USP28: variants seen among roughly 807,000 people sequenced by gnomAD.
USP28 encodes ubiquitin specific peptidase 28.
A neutral mutation model predicts 145.0 loss-of-function variants in USP28; 113 were observed. That is an observed-to-expected ratio of 0.78 (90% confidence interval 0.67 to 0.91). The LOEUF is 0.91. Among genes scored for constraint, USP28 ranks in the 40% least tolerant of loss-of-function variants. The pLI is 0.00. For missense variants in USP28, 1,201 were observed against 1,289.6 expected, an observed-to-expected ratio of 0.93 and a Z score of 1.05; for synonymous variants, 447 against 450.9, an observed-to-expected ratio of 0.99 and a Z score of 0.11.
At chr11:113,875,506 G>A (rs1375181875) in exon 1 of USP28, 3 of 1,169,770 alleles carry the variant, frequency 2.6e-6, no homozygotes, top group South Asian at 3.6e-5. Flanking sequence ...AGTCATGGCC[G>A]AGGCGCCCAG....
Position 113,831,917 on chromosome 11 carries a change from C to T in USP28, c.833+3G>A. 1 of 1,613,634 alleles carries T rather than the reference C, an allele frequency of 6.2e-7. No individual in the cohort carries two copies. The highest frequency in any genetic ancestry group is 8.5e-7 in the Non-Finnish European group (1 of 1,179,720). ...GATGTACAAACAAACCCTCAACACT[C>T]ACTTAACATTAACAGCTAGCTGGAA... On this transcript the variant is annotated splice_donor_region_variant and intron_variant, in intron 8 of 24. Coordinates refer to ENST00000003302, the Ensembl canonical transcript of USP28.
intron 1 of USP28, among the ~76,000 whole-genome samples, chr11:113,873,018 TA>T (rs1427694627): frequency 6.6e-6 from 1 of 152,136 alleles, no homozygotes; most frequent in African/African-American, 2.4e-5. Context: ...AACTGACCAA[TA>T]AGGGAAGGGA....
chr11:113,863,253 A>T (rs537927983), intron 1 of USP28, among the ~76,000 whole-genome samples: 13 of 152,154 alleles, frequency 8.5e-5, no homozygotes, highest in Non-Finnish European at 1.5e-4. Flanking sequence ...ATCAAAAAGG[A>T]AATTAAAAAA....
intron 3 of USP28, 61 bp from the exon 4 acceptor site, chr11:113,841,829 TAAGA>T: frequency 8.4e-7 from 1 of 1,193,730 alleles, no homozygotes; most frequent in Non-Finnish European, 1.2e-6. Context: ...TTCTGTAATA[TAAGA>T]AAAAGGTAAA....
At position 113,813,876 on chromosome 11, in the gene USP28, T is replaced by G; in HGVS notation, c.1743+9A>C. On this transcript the variant is annotated intron_variant, in intron 15 of 24. Transcript: ENST00000003302. ...GCCTTGACTACTTTCCCATCAATTT[T>G]CATTCTACCTGACGAAGGAGAGGAT... is the stretch of plus-strand genomic sequence containing the variant. 1.2e-6 allele frequency: 2 copies of G among 1,609,434 alleles called. No homozygotes were observed. Among genetic ancestry groups the G allele is most frequent in the East Asian group, 2.2e-5 (1 of 44,800 alleles).
intron 3 of USP28, among the ~76,000 whole-genome samples, chr11:113,846,067 A>C (rs879630280): frequency 1.1e-4 from 16 of 152,242 alleles, no homozygotes; most frequent in Non-Finnish European, 2.2e-4. Context: ...TGAAGTCTGA[A>C]GACATTGGTA....
chr11:113,853,031 T>A (rs1339330456), intron 2 of USP28, among the ~76,000 whole-genome samples: 1 of 152,132 alleles, frequency 6.6e-6, no homozygotes, highest in Non-Finnish European at 1.5e-5. Context: ...GCAGGCGCAG[T>A]GGCTCACACG....
At chr11:113,850,588 C>G (rs1158873397) in intron 3 of USP28, among the ~76,000 whole-genome samples, 1 of 152,202 alleles carries the variant, frequency 6.6e-6, no homozygotes, top group East Asian at 1.9e-4. Context: ...AACACCACCT[C>G]GCCTTCCTCC....
At chr11:113,873,063 A>G (rs1361426061) in intron 1 of USP28, among the ~76,000 whole-genome samples, 1 of 152,222 alleles carries the variant, frequency 6.6e-6, no homozygotes, top group African/African-American at 2.4e-5. Flanking sequence ...TCTGAGTGTC[A>G]GGGAAGGATA....
At chr11:113,853,878 C>CAAAAAAAAAAAAAAAAAAA (rs57739058) in intron 2 of USP28, among the ~76,000 whole-genome samples, 15 of 123,202 alleles carry the variant, frequency 1.2e-4, no homozygotes, top group Non-Finnish European at 1.7e-4. Context: ...GACTCCATCT[C>CAAAAAAAAAAAAAAAAAAA]AAAAAAAAAA....
chr11:113,833,898 A>G lies in USP28; in HGVS notation c.622-341T>C, dbSNP rs895821976. 5.9e-4 allele frequency among the ~76,000 whole-genome samples: 90 copies of G among 152,358 alleles called. 1 individual carries two copies. Among genetic ancestry groups the G allele is most frequent in the Non-Finnish European group, 1.2e-3 (80 of 68,034 alleles). ...GGCTACGACCTTTGGCAAAAACAGA[A>G]TAAAATAGACTAAGGCGGCTCAGGT... is the stretch of plus-strand genomic sequence containing the variant. On this transcript the variant is annotated intron_variant, in intron 6 of 24. Transcript: ENST00000003302.
chr11:113,839,059 C>T (rs556056086), intron 5 of USP28, among the ~76,000 whole-genome samples: 2 of 152,298 alleles, frequency 1.3e-5, no homozygotes, highest in East Asian at 3.9e-4. Context: ...GTTTTATTGC[C>T]ATCTATATGG....
rs541057787 is a variant in USP28, at chr11:113,846,445, T to C, written c.269-4677A>G. Among the ~76,000 whole-genome samples, 5 of 152,324 alleles carry C rather than the reference T, an allele frequency of 3.3e-5. No individual in the cohort carries two copies. The South Asian group carries it at 1.0e-3, about 32-fold the overall frequency. On this transcript the variant is annotated intron_variant, in intron 3 of 24. Coordinates refer to ENST00000003302, the Ensembl canonical transcript of USP28. ...GACAAATACTGTATAAGTCCACTTA[T>C]ATGAAGTATTTAAAGTAGTCAAATT... is the stretch of plus-strand genomic sequence containing the variant.
intron 3 of USP28, among the ~76,000 whole-genome samples, chr11:113,842,370 G>A (rs1029043690): frequency 2.6e-5 from 4 of 152,126 alleles, no homozygotes; most frequent in Non-Finnish European, 5.9e-5. Context: ...CGGATCACGA[G>A]GTCAAGAGAT....
At chr11:113,829,443 TC>T in intron 9 of USP28, 98 bp from the exon 10 acceptor site, 1 of 1,453,930 alleles carries the variant, frequency 6.9e-7, no homozygotes, top group East Asian at 2.3e-5. Context: ...TTCAGCAACT[TC>T]CTGATAGCTG....
intron 12 of USP28, among the ~76,000 whole-genome samples, chr11:113,822,672 A>C (rs1292138086): frequency 1.3e-5 from 2 of 152,206 alleles, no homozygotes; most frequent in Non-Finnish European, 2.9e-5. Context: ...GTATCACTAA[A>C]ACTTAAAGGT....
intron 10 of USP28, chr11:113,828,886 A>G (rs1943671400): frequency 1.9e-6 from 1 of 536,432 alleles, no homozygotes; most frequent in Admixed American, 2.2e-5. Context: ...GAAAATATGG[A>G]GGCAGTGGGT....
chr11:113,807,950 C>G lies in USP28; in HGVS notation c.2304+348G>C, dbSNP rs576378968. On this transcript the variant is annotated intron_variant, in intron 18 of 24. Transcript: ENST00000003302. Reference sequence around the variant, plus strand: ...ACTATATCCTGCACTCATCTCTGTACCTCCTCATCATATCCATCTGCATCA... The same window carrying G: ...ACTATATCCTGCACTCATCTCTGTAGCTCCTCATCATATCCATCTGCATCA... The G allele has an allele frequency of 1.8e-6, 2 of 1,106,812 alleles. No homozygotes were observed. Among genetic ancestry groups the G allele is most frequent in the Non-Finnish European group, 1.1e-6 (1 of 897,482 alleles). 68.6% of individuals were successfully genotyped at this position (1,106,812 alleles called of 1,614,324 possible). A position where few individuals can be genotyped will look rare whatever the true frequency, so the allele number is the denominator to read the frequency against.
At chr11:113,845,584 G>T (rs1362889139) in intron 3 of USP28, among the ~76,000 whole-genome samples, 2 of 152,132 alleles carry the variant, frequency 1.3e-5, no homozygotes, top group Non-Finnish European at 2.9e-5. Context: ...CTAAAGCAGG[G>T]TCTTTTTTTG....
Sources: allele counts gnomAD v4.1 joint callset (sites outside exome capture counted in the v4.1 genomes callset), GRCh38; gene constraint gnomAD v4.1.1; transcripts MANE v1.5; gene names NCBI Gene and HGNC (gene_info 2026-07-23, HGNC 2026-07-21).